The following LYSMD1 variants were observed in gnomAD, a reference collection of about 807,000 sequenced individuals.
LYSMD1 encodes the protein LysM domain containing 1.
In LYSMD1, 9 loss-of-function variants were observed where a neutral mutation model predicts 19.3. That is an observed-to-expected ratio of 0.47 (90% CI 0.28 to 0.81). The LOEUF (loss-of-function observed/expected upper bound fraction) is 0.81, where lower values mean the gene tolerates loss of function less well. LYSMD1 is among the 40% of genes least tolerant of loss of function. The pLI is 0.11. For missense variants in LYSMD1, 262 were observed against 279.8 expected (o/e 0.94, Z 0.45); for synonymous variants, 111 against 111.7 (o/e 0.99, Z 0.04).
At chr1:151,153,901 C>T in the LYSMD1 span, among the ~76,000 whole-genome samples, 5 of 150,418 alleles carry the variant, frequency 3.3e-5, no homozygotes, top group East Asian at 3.9e-4. Context: ...TGCAGTGAGC[C>T]GAGATTGCAC....
chr1:151,164,673 A>C (rs1297818700), intron 1 of LYSMD1, among the ~76,000 whole-genome samples: 1 of 152,088 alleles, frequency 6.6e-6, no homozygotes, highest in Non-Finnish European at 1.5e-5. Flanking sequence ...TCAACATAAA[A>C]TTTTCTGTGT....
At chr1:151,159,268 C>G, downstream of LYSMD1, 1 of 1,593,446 alleles carries the variant, frequency 6.3e-7, no homozygotes, top group Non-Finnish European at 8.6e-7. Flanking sequence ...CTGAGCCTAG[C>G]ACATTCCACC....
the LYSMD1 span, among the ~76,000 whole-genome samples, chr1:151,152,205 G>T: frequency 1.3e-5 from 2 of 152,016 alleles, no homozygotes; most frequent in Non-Finnish European, 2.9e-5. Context: ...AGACCATCCT[G>T]GCTAACATGG....
rs1683469530 is a variant in LYSMD1 at position 151,161,847 on chromosome 1, G to C, written c.434C>G (p.Thr145Ser). The change falls in exon 2 of 3, where the codon ACC (threonine) becomes AGC (serine). Residue 145 changes from threonine (T) to serine (S), a missense_variant. Coordinates refer to ENST00000368908, the MANE Select transcript of LYSMD1 (RefSeq NM_212551.5). ...GEVLPTPGQE[T>S]PTPIHDLSAS... ...AGAGAGGTCATGGATGGGCGTGGGG[G>C]TTTCCTGGCCAGGTGTGGGGAGGAC... 6.2e-7 allele frequency: 1 copy of C among 1,613,810 alleles called. No homozygotes were observed. Among genetic ancestry groups the C allele is most frequent in the Admixed American group, 1.7e-5 (1 of 59,882 alleles).
chr1:151,158,926 G>A, downstream of LYSMD1: 1 of 1,614,258 alleles, frequency 6.2e-7, no homozygotes, highest in Non-Finnish European at 8.5e-7. Flanking sequence ...GCACCGCAAT[G>A]GCTCCTTTGG....
intron 2 of LYSMD1, among the ~76,000 whole-genome samples, chr1:151,161,272 C>A (rs1014692143): frequency 1.3e-4 from 20 of 152,108 alleles, no homozygotes; most frequent in Non-Finnish European, 2.6e-4. Flanking sequence ...CCGAGGCTGG[C>A]GGATCACGAG....
In LYSMD1 at chr1:151,160,945, C is replaced by A. The variant is rs369308817; in HGVS notation, c.621G>T (p.Pro207=). 1 of 1,614,142 alleles carries A rather than the reference C, an allele frequency of 6.2e-7. No individual in the cohort carries two copies. The highest frequency in any genetic ancestry group is 8.5e-7 in the Non-Finnish European group (1 of 1,180,002). The change falls in exon 3 of 3, where the codon CCG becomes CCT. Residue 207 remains proline (P), a synonymous_variant. Coordinates refer to ENST00000368908, the MANE Select transcript of LYSMD1 (RefSeq NM_212551.5). ...MQQRAVLGPV[P]LTRTSRTRTL... ...TCCGGGTCCGAGAGGTACGGGTCAG[C>A]GGCACAGGACCTAGGACTGCTCGTT...
At chr1:151,150,141 A>G in the LYSMD1 span, among the ~76,000 whole-genome samples, 1 of 151,996 alleles carries the variant, frequency 6.6e-6, no homozygotes, top group Non-Finnish European at 1.5e-5. Flanking sequence ...AAAAAAATAG[A>G]GGCAGAGTCT....
At chr1:151,159,370 C>G (rs1221588946), downstream of LYSMD1, 7 of 1,128,982 alleles carry the variant, frequency 6.2e-6, no homozygotes, top group Non-Finnish European at 8.7e-6. Flanking sequence ...AGGCTTCATT[C>G]CTTCCCAAGA....
chr1:151,162,604 C>T (rs755199280), intron 1 of LYSMD1, among the ~76,000 whole-genome samples: 1 of 152,194 alleles, frequency 6.6e-6, no homozygotes, highest in Non-Finnish European at 1.5e-5. Flanking sequence ...TCACACTATA[C>T]TATTAACAAT....
chr1:151,155,640 C>G (rs1683200045), downstream of LYSMD1, among the ~76,000 whole-genome samples: 1 of 152,094 alleles, frequency 6.6e-6, no homozygotes, highest in Non-Finnish European at 1.5e-5. Context: ...CTCTTGAGCC[C>G]AGGAGGTCAA....
At position 151,165,305 on chromosome 1, in the gene LYSMD1, C is replaced by T. The variant is rs41300851; in HGVS notation, c.-47G>A. 3,565 of 1,585,648 alleles carry T rather than the reference C, an allele frequency of 2.2e-3. 2 individuals are homozygous for T. The highest frequency in any genetic ancestry group is 5.2e-3 in the Middle Eastern group (27 of 5,216). ...AAGGTTGCAACTAGGGGAGGTACGA[C>T]CGAGACTGCGACTGACAGGCCTGAA... On this transcript the variant is annotated 5_prime_UTR_variant, in exon 1 of 3. Coordinates refer to ENST00000368908, the MANE Select transcript of LYSMD1 (RefSeq NM_212551.5).
chr1:151,161,867 G>T lies in LYSMD1; in HGVS notation c.414C>A (p.Leu138=), dbSNP rs755999714. Residue 138 remains leucine (L), a synonymous_variant, in exon 2 of 3, where the codon CTC becomes CTA. Coordinates refer to ENST00000368908, the MANE Select transcript of LYSMD1 (RefSeq NM_212551.5). The part of the protein sequence containing the change: ...TGAGRANGEV[L]PTPGQETPTP... ...TGGGGGTTTCCTGGCCAGGTGTGGG[G>T]AGGACTTCACCATTGGCACGTCCTG... The T allele has an allele frequency of 1.9e-6, 3 of 1,614,096 alleles. No individual in the cohort carries two copies. Among genetic ancestry groups the T allele is most frequent in the Non-Finnish European group, 2.5e-6 (3 of 1,180,014 alleles).
At chr1:151,159,207 G>A, downstream of LYSMD1, 1 of 1,614,114 alleles carries the variant, frequency 6.2e-7, no homozygotes. Context: ...ACCTTGGCAA[G>A]ATCTGTGACG....
downstream of LYSMD1, among the ~76,000 whole-genome samples, chr1:151,154,866 G>A (rs1323922533): frequency 6.6e-6 from 1 of 152,058 alleles, no homozygotes; most frequent in Non-Finnish European, 1.5e-5. Flanking sequence ...GGATGGTCTT[G>A]ATCTCCTAAC....
At chr1:151,163,957 G>A (rs1213003870) in intron 1 of LYSMD1, among the ~76,000 whole-genome samples, 5 of 150,884 alleles carry the variant, frequency 3.3e-5, no homozygotes, top group Admixed American at 2.0e-4. Flanking sequence ...GCAGTGGTGC[G>A]ATCTCAGCTC....
rs1558201120 is a variant in LYSMD1 at position 151,161,840 on chromosome 1, CGTGG to C, written c.437_440del (p.Pro146ArgfsTer30). The C allele has an allele frequency of 6.2e-7, 1 of 1,613,778 alleles. No individual in the cohort carries two copies. Among genetic ancestry groups the C allele is most frequent in the Non-Finnish European group, 8.5e-7 (1 of 1,179,940 alleles). ...CAGAGGCAGAGAGGTCATGGATGGG[CGTGG>C]GGGTTTCCTGGCCAGGTGTGGGGAG... On this transcript the variant is annotated frameshift_variant, in exon 2 of 3. Coordinates refer to ENST00000368908, the MANE Select transcript of LYSMD1 (RefSeq NM_212551.5). LOFTEE classifies it high-confidence loss of function.
the LYSMD1 span, among the ~76,000 whole-genome samples, chr1:151,151,356 ATT>A: frequency 4.7e-4 from 65 of 137,562 alleles, no homozygotes; most frequent in Admixed American, 8.7e-4. Context: ...TGCCCAGCTA[ATT>A]TTTTTTTTTT....
At chr1:151,157,494 T>G (rs1683264728), downstream of LYSMD1, among the ~76,000 whole-genome samples, 1 of 151,062 alleles carries the variant, frequency 6.6e-6, no homozygotes, top group African/African-American at 2.4e-5. Context: ...ACCAAGAGGG[T>G]CCTGAGTTCA....
Sources: gnomAD v4.1 joint callset for allele counts (sites outside exome capture counted in the v4.1 genomes callset) on GRCh38, gnomAD v4.1.1 for gene constraint, MANE v1.5 for transcripts, NCBI Gene and HGNC (gene_info 2026-07-23, HGNC 2026-07-21) for gene names.